Variants in PNPT1 observed in about 807,000 individuals in gnomAD.
PNPT1 encodes polyribonucleotide nucleotidyltransferase 1.
Under a neutral mutation model 119.5 loss-of-function variants are expected in PNPT1, and 53 were observed. The ratio of observed to expected loss-of-function variants is 0.44; its 90% CI spans 0.36 to 0.56. The LOEUF (loss-of-function observed/expected upper bound fraction) is 0.56, where lower values mean the gene tolerates loss of function less well. Among genes scored for constraint, PNPT1 ranks in the 20% least tolerant of loss-of-function variants. The probability of loss-of-function intolerance (pLI) is 0.00; values close to 1 mark genes in which losing one functional copy is unlikely to be tolerated. For synonymous variants in PNPT1, 357 were observed against 322.1 expected, an observed-to-expected ratio of 1.11 and a Z score of -1.16; for missense variants, 948 against 938.5, an observed-to-expected ratio of 1.01 and a Z score of -0.13.
intron 7 of PNPT1, 83 bp from the exon 8 acceptor site, chr2:55,679,878 A>T: frequency 1.1e-6 from 1 of 903,092 alleles, no homozygotes. Context: ...CTTCAACCCC[A>T]TCTTTGATTG....
chr2:55,639,093 A>G (rs186256469), intron 26 of PNPT1, among the ~76,000 whole-genome samples: 2 of 152,292 alleles, frequency 1.3e-5, no homozygotes. Context: ...ATCTTTTCAT[A>G]TCAATAAATT....
chr2:55,681,955 C>T (rs143893235), intron 5 of PNPT1, among the ~76,000 whole-genome samples: 4,539 of 151,676 alleles, frequency 0.03, 107 homozygotes, highest in South Asian at 0.089. Context: ...TCCTGCCTAA[C>T]ACGGTGAAAC....
rs751257202 is a variant in PNPT1, at chr2:55,636,224, T to TA, written c.*12_*13insT. 3.5e-5 allele frequency: 54 copies of TA among 1,537,710 alleles called. No individual in the cohort carries two copies. The highest frequency in any genetic ancestry group is 3.5e-4 in the Middle Eastern group (2 of 5,780). ...ACAAAATAGAATTCTAGAATTCTCT[T>TA]TAAAAAAAAAAATCACTGAGAATTA... is the stretch of plus-strand genomic sequence containing the variant. On this transcript the variant is annotated 3_prime_UTR_variant, in exon 28 of 28. Transcript: ENST00000447944.
intron 10 of PNPT1, 74 bp from the exon 11 acceptor site, chr2:55,671,450 C>T: frequency 2.3e-6 from 2 of 864,802 alleles, no homozygotes; most frequent in South Asian, 4.1e-5. Context: ...AATTATTATA[C>T]AATGAACACA....
intron 13 of PNPT1, among the ~76,000 whole-genome samples, chr2:55,663,164 G>A (rs1285140663): frequency 1.3e-5 from 2 of 152,270 alleles, no homozygotes; most frequent in African/African-American, 4.8e-5. Context: ...GATTACAGGC[G>A]TGAGCCACCA....
At chr2:55,692,365 A>T (rs1224787042) in intron 1 of PNPT1, among the ~76,000 whole-genome samples, 2 of 152,176 alleles carry the variant, frequency 1.3e-5, no homozygotes, top group East Asian at 1.9e-4. Context: ...ACTACTTATC[A>T]AAGTTAGAGT....
rs1292132234 is a variant in PNPT1, at chr2:55,693,728, C to A, written c.96G>T (p.Gln32His). Residue 32 changes from glutamine (Q) to histidine (H), a missense_variant, in exon 1 of 28, where the codon CAG (glutamine) becomes CAT (histidine). Coordinates refer to ENST00000447944, the MANE Select transcript of PNPT1 (RefSeq NM_033109.5). ...LLPRRDRALT[Q>H]LQVRALWSSA... ...TACTCCATAGTGCTCGCACTTGCAA[C>A]TGGGTGAGTGCCCGATCCCGCCGTG... is the stretch of plus-strand genomic sequence containing the variant. 6.2e-7 allele frequency: 1 copy of A among 1,614,228 alleles called. No individual in the cohort carries two copies. Among genetic ancestry groups the A allele is most frequent in the Non-Finnish European group, 8.5e-7 (1 of 1,180,054 alleles).
chr2:55,690,033 G>A (rs1697541843), intron 1 of PNPT1, among the ~76,000 whole-genome samples: 1 of 152,078 alleles, frequency 6.6e-6, no homozygotes, highest in South Asian at 2.1e-4. Context: ...TGTTACCCAG[G>A]CTGGTCTCAA....
At chr2:55,691,869 TA>T (rs1559116691) in intron 1 of PNPT1, among the ~76,000 whole-genome samples, 961 of 17,072 alleles carry the variant, frequency 0.056, 17 homozygotes, top group Non-Finnish European at 0.095. Context: ...TATATATATA[TA>T]TATATATATT....
Position 55,691,955 on chromosome 2 carries a change from C to T in PNPT1, c.161+1708G>A, listed in dbSNP as rs1439681964. 1.6e-4 allele frequency among the ~76,000 whole-genome samples: 23 copies of T among 142,166 alleles called. 1 individual carries two copies. The highest frequency in any genetic ancestry group is 4.5e-4 in the African/African-American group (17 of 38,134). 93.3% of individuals were successfully genotyped at this position (142,166 alleles called of 152,430 possible). ...AGGCTGGAGTGCAATGGCACGATCTCTGCCACTGCAACCTCTGCCTCCTGG... is the reference window on the plus strand; with the variant it reads ...AGGCTGGAGTGCAATGGCACGATCTTTGCCACTGCAACCTCTGCCTCCTGG... On this transcript the variant is annotated intron_variant, in intron 1 of 27. Transcript: ENST00000447944.
chr2:55,640,294 C>T (rs1022490559), intron 26 of PNPT1, among the ~76,000 whole-genome samples: 3 of 152,188 alleles, frequency 2.0e-5, no homozygotes, highest in African/African-American at 7.2e-5. Flanking sequence ...GCTAAGACTA[C>T]ATGCGCACGC....
chr2:55,676,795 GA>G (rs1406814632), intron 8 of PNPT1, among the ~76,000 whole-genome samples: 1 of 151,146 alleles, frequency 6.6e-6, no homozygotes, highest in African/African-American at 2.4e-5. Flanking sequence ...CTGGGAGGCG[GA>G]AGTTGCACTG....
In PNPT1 at chr2:55,659,658, C is replaced by T. The variant is rs149971426; in HGVS notation, c.1284+499G>A. 1.6e-4 allele frequency among the ~76,000 whole-genome samples: 24 copies of T among 152,156 alleles called. No individual in the cohort carries two copies. The East Asian group carries it at 4.6e-3, about 29-fold the overall frequency. On this transcript the variant is annotated intron_variant, in intron 15 of 27. Transcript: ENST00000447944. The stretch of plus-strand genomic sequence containing the variant: ...TATCTCTTATCTCTCTAAAGTAGTA[C>T]TTTAGAGAGTGCTAAATACTCTCTA...
At chr2:55,684,395 T>C (rs896066267) in intron 4 of PNPT1, among the ~76,000 whole-genome samples, 5 of 151,816 alleles carry the variant, frequency 3.3e-5, no homozygotes, top group African/African-American at 1.2e-4. Flanking sequence ...ACCCGGGAGG[T>C]AGAGGTTGCA....
At chr2:55,654,849 GGGAT>G in intron 18 of PNPT1, 47 bp downstream of exon 18, 1 of 1,536,116 alleles carries the variant, frequency 6.5e-7, no homozygotes, top group Non-Finnish European at 8.9e-7. Flanking sequence ...GCTCATGCCT[GGGAT>G]TACAGGCATG....
intron 14 of PNPT1, 80 bp from the exon 15 acceptor site, chr2:55,660,273 AG>A (rs2104086785): frequency 7.1e-7 from 1 of 1,410,556 alleles, no homozygotes; most frequent in Non-Finnish European, 9.5e-7. Context: ...AACAGATTTA[AG>A]GGGATTTTAC....
At chr2:55,644,977 A>T (rs1232195943) in intron 22 of PNPT1, 2 of 352,896 alleles carry the variant, frequency 5.7e-6, no homozygotes, top group African/African-American at 4.2e-5. Flanking sequence ...TAAAAGCAGT[A>T]ATATTCATTC....
Position 55,684,969 on chromosome 2 carries a change from T to G in PNPT1, c.377A>C (p.Lys126Thr). 6.3e-7 allele frequency: 1 copy of G among 1,588,446 alleles called. No homozygotes were observed. Among genetic ancestry groups the G allele is most frequent in the East Asian group, 2.3e-5 (1 of 44,358 alleles). Residue 126 changes from lysine to threonine, a missense_variant, in exon 4 of 28, where the codon AAA becomes ACA. Coordinates refer to ENST00000447944, the MANE Select transcript of PNPT1 (RefSeq NM_033109.5). ...YLRREIGTSD[K>T]EILTSRIIDR... ...TATTATTCGACTTGTTAGAATTTCT[T>G]TATCAGAAGTACCAATCTCTCTTCT...
rs556383015 is a variant in PNPT1, at chr2:55,667,157, A to C, written c.1074-64T>G. On this transcript the variant is annotated intron_variant, in intron 12 of 27. Transcript: ENST00000447944. ...GGAAACAGAAAAATCACATGTCTTTATCTCTCCCAGGAAGTTCTCAACCTC... is the reference window on the plus strand; with the variant it reads ...GGAAACAGAAAAATCACATGTCTTTCTCTCTCCCAGGAAGTTCTCAACCTC... The C allele has an allele frequency of 1.3e-5, 17 of 1,274,106 alleles. No individual in the cohort carries two copies. In the Admixed American group the frequency reaches 1.6e-4, roughly 12 times the overall value. 78.9% of individuals were successfully genotyped at this position (1,274,106 alleles called of 1,614,324 possible).
Sources: allele counts gnomAD v4.1 joint callset (sites outside exome capture counted in the v4.1 genomes callset), GRCh38; gene constraint gnomAD v4.1.1; transcripts MANE v1.5; gene names NCBI Gene and HGNC (gene_info 2026-07-23, HGNC 2026-07-21).